TRPC7: variants seen among roughly 807,000 people sequenced by gnomAD.
TRPC7 encodes the protein transient receptor potential cation channel subfamily C member 7, also known as short transient receptor potential channel 7.
In TRPC7, 42 loss-of-function variants were observed where a neutral mutation model predicts 90.1. The ratio of observed to expected loss-of-function variants is 0.47; its 90% CI spans 0.36 to 0.60. The LOEUF is 0.60. Ranked by LOEUF, TRPC7 falls within the 20% of genes least tolerant of loss-of-function variation. TRPC7 has a pLI of 0.00. For missense variants in TRPC7, 955 were observed against 1,112.3 expected (o/e 0.86, Z 2.01); for synonymous variants, 451 against 436.3 (o/e 1.03, Z -0.42).
Position 136,357,376 on chromosome 5 carries a change from G to A in TRPC7, c.12C>T (p.Asn4=). MLR[N]STFKNMQRRH... ...GGCGCTGCATGTTTTTGAAGGTGCT[G>A]TTCCTCAACCTATGGGACAAGGCAA... The change falls in exon 2 of 12, where the codon AAC becomes AAT. Residue 4 remains asparagine, a synonymous_variant. Coordinates refer to ENST00000513104, the MANE Select transcript of TRPC7 (RefSeq NM_020389.3). The A allele has an allele frequency of 1.9e-6, 3 of 1,596,694 alleles. No individual in the cohort carries two copies. The highest frequency in any genetic ancestry group is 2.5e-6 in the Non-Finnish European group (3 of 1,177,722).
intron 3 of TRPC7, 109 bp downstream of exon 3, chr5:136,315,488 C>T: frequency 2.5e-6 from 3 of 1,198,120 alleles, no homozygotes; most frequent in Non-Finnish European, 3.5e-6. Context: ...ATCTGGGTGT[C>T]ATCATGGTCA....
chr5:136,243,267 G>C (rs146891359), intron 7 of TRPC7, among the ~76,000 whole-genome samples: 5 of 151,894 alleles, frequency 3.3e-5, no homozygotes, highest in Non-Finnish European at 7.4e-5. Flanking sequence ...GCTGACTTTC[G>C]AAGTGGACTC....
rs1167182854 is a variant in TRPC7, at chr5:136,357,007, G to GT, written c.380dup (p.Asn127LysfsTer52). On this transcript the variant is annotated frameshift_variant, in exon 2 of 12. Coordinates refer to ENST00000513104, the MANE Select transcript of TRPC7 (RefSeq NM_020389.3). LOFTEE classifies it high-confidence loss of function. ...GCTGGCCCTGCGCGAAGGCCGGGTG[G>GT]TTGAGGATGGCCTCCACGATGCGCA... The GT allele has an allele frequency of 6.2e-7, 1 of 1,612,770 alleles. No homozygotes were observed. The highest frequency in any genetic ancestry group is 8.5e-7 in the Non-Finnish European group (1 of 1,179,874).
intron 3 of TRPC7, among the ~76,000 whole-genome samples, chr5:136,280,291 T>TG (rs1356238599): frequency 6.6e-6 from 1 of 152,228 alleles, no homozygotes; most frequent in Admixed American, 6.5e-5. Context: ...TTGGCAATCA[T>TG]GTGTCATAGG....
Position 136,364,218 on chromosome 5 carries a change from T to C in TRPC7, c.2+1035A>G, listed in dbSNP as rs1193538113. ...TTAGCCTCAATGAGGCTCCACATAG[T>C]TCTGATTTTTTTCTGGGTTAATTAC... On this transcript the variant is annotated intron_variant, in intron 1 of 11. Transcript: ENST00000513104. 2.0e-5 allele frequency among the ~76,000 whole-genome samples: 3 copies of C among 152,232 alleles called. No homozygotes were observed. The East Asian group carries it at 5.8e-4, about 29-fold the overall frequency.
intron 3 of TRPC7, among the ~76,000 whole-genome samples, chr5:136,291,690 A>T (rs904290021): frequency 1.6e-4 from 24 of 152,154 alleles, no homozygotes; most frequent in Non-Finnish European, 3.1e-4. Flanking sequence ...CACAATAACA[A>T]TGGGAGACTT....
chr5:136,295,123 C>T (rs1028033674), intron 3 of TRPC7, among the ~76,000 whole-genome samples: 4 of 151,688 alleles, frequency 2.6e-5, no homozygotes, highest in Non-Finnish European at 5.9e-5. Flanking sequence ...GAACATCACA[C>T]ACCGGGGCCT....
At chr5:136,305,620 C>G (rs1029643929) in intron 3 of TRPC7, among the ~76,000 whole-genome samples, 4 of 152,138 alleles carry the variant, frequency 2.6e-5, no homozygotes, top group African/African-American at 7.2e-5. Flanking sequence ...AAGGCCTTTC[C>G]TACAGGGTCT....
At chr5:136,354,684 T>C (rs2546658) in intron 2 of TRPC7, among the ~76,000 whole-genome samples, 101,098 of 152,134 alleles carry the variant, frequency 0.66, 33,750 homozygotes, top group Admixed American at 0.72. Context: ...TTCCATGGCT[T>C]TCCCTTTCCT....
Position 136,213,654 on chromosome 5 carries a change from G to GTT in TRPC7, c.2420-51_2420-50insAA, listed in dbSNP as rs1755165103. The stretch of plus-strand genomic sequence containing the variant: ...TGAGTCTGAGTAGGTGGAAGCTCGG[G>GTT]GCTTGTCCCATGCACATGTGGGCAT... On this transcript the variant is annotated intron_variant, in intron 11 of 11. Coordinates refer to ENST00000513104, the MANE Select transcript of TRPC7 (RefSeq NM_020389.3). 3 of 1,598,244 alleles carry GTT rather than the reference G, an allele frequency of 1.9e-6. No homozygotes were observed. The African/African-American group carries it at 4.0e-5, about 21-fold the overall frequency.
At chr5:136,318,569 T>A (rs1318156787) in intron 2 of TRPC7, among the ~76,000 whole-genome samples, 1 of 152,204 alleles carries the variant, frequency 6.6e-6, no homozygotes, top group Non-Finnish European at 1.5e-5. Flanking sequence ...TTATTCTTGA[T>A]GGTTTCACTA....
At chr5:136,283,442 G>A (rs1008861827) in intron 3 of TRPC7, among the ~76,000 whole-genome samples, 1 of 152,204 alleles carries the variant, frequency 6.6e-6, no homozygotes, top group African/African-American at 2.4e-5. Context: ...GTGAAGTAAT[G>A]CCTTCCATTG....
Position 136,221,664 on chromosome 5 carries a change from A to C in TRPC7, c.2343+3610T>G, listed in dbSNP as rs77428167. On this transcript the variant is annotated intron_variant, in intron 10 of 11. Coordinates refer to ENST00000513104, the MANE Select transcript of TRPC7 (RefSeq NM_020389.3). ...GGAACATTTGGAAGAGAGTGGACAA[A>C]ATAGATCACAGGACAAGTCATTTGT... 1.8e-3 allele frequency among the ~76,000 whole-genome samples: 269 copies of C among 152,342 alleles called. 9 individuals are homozygous for C. In the East Asian group the frequency reaches 0.05, roughly 29 times the overall value.
chr5:136,258,155 A>G (rs1208740745), intron 5 of TRPC7, among the ~76,000 whole-genome samples: 2 of 152,228 alleles, frequency 1.3e-5, no homozygotes, highest in East Asian at 3.8e-4. Context: ...CTCATTGGAC[A>G]TTGGGAATCA....
intron 8 of TRPC7, among the ~76,000 whole-genome samples, chr5:136,229,674 CTG>C (rs1306651451): frequency 1.3e-5 from 2 of 152,194 alleles, no homozygotes; most frequent in Non-Finnish European, 2.9e-5. Flanking sequence ...GCCTCTAGAA[CTG>C]TGAGGGAAGA....
intron 3 of TRPC7, among the ~76,000 whole-genome samples, chr5:136,298,034 G>A (rs1758242158): frequency 6.6e-6 from 1 of 152,190 alleles, no homozygotes; most frequent in Admixed American, 6.5e-5. Flanking sequence ...GCCTGGGTAT[G>A]CTCTATGCTG....
chr5:136,300,681 A>T (rs1580923439), intron 3 of TRPC7, among the ~76,000 whole-genome samples: 1 of 152,228 alleles, frequency 6.6e-6, no homozygotes, highest in East Asian at 1.9e-4. Flanking sequence ...TCAGCAATGA[A>T]GGACATGGAG....
intron 4 of TRPC7, among the ~76,000 whole-genome samples, chr5:136,268,026 A>T (rs565693970): frequency 6.6e-6 from 1 of 152,376 alleles, no homozygotes; most frequent in East Asian, 1.9e-4. Flanking sequence ...GGTGATAGAG[A>T]TAGAGATAAA....
Position 136,247,563 on chromosome 5 carries a change from G to A in TRPC7, c.1752C>T (p.Val584=). 2 of 1,613,966 alleles carry A rather than the reference G, an allele frequency of 1.2e-6. No homozygotes were observed. Among genetic ancestry groups the A allele is most frequent in the African/African-American group, 1.3e-5 (1 of 75,054 alleles). Residue 584 remains valine, a synonymous_variant, in exon 7 of 12, where the codon GTC becomes GTT. Transcript: ENST00000513104. The surrounding 1 kb of genome is among the most constrained non-coding windows in gnomAD (Gnocchi z 4.2). ...RTVKDIFKFM[V]IFIMVFVAFM... ...AGGCCACAAATACCATGATGAAAAT[G>A]ACCATGAACTTGAAGATATCTTTCA...
Sources: allele counts gnomAD v4.1 joint callset (sites outside exome capture counted in the v4.1 genomes callset), GRCh38; gene constraint gnomAD v4.1.1; non-coding constraint Gnocchi (gnomAD v3.1); transcripts MANE v1.5; gene names NCBI Gene and HGNC (gene_info 2026-07-23, HGNC 2026-07-21).